C1QTNF7: variants seen among roughly 807,000 people sequenced by gnomAD.
C1QTNF7 encodes the protein C1q and TNF related 7, also known as complement C1q tumor necrosis factor-related protein 7.
Under a neutral mutation model 19.6 loss-of-function variants are expected in C1QTNF7, and 15 were observed. That is an observed-to-expected ratio of 0.76 (90% CI 0.51 to 1.18). The LOEUF (loss-of-function observed/expected upper bound fraction) is 1.18, where lower values mean the gene tolerates loss of function less well. C1QTNF7 is among the 50% of genes most tolerant of loss of function. The probability of loss-of-function intolerance (pLI) is 0.00; values close to 1 mark genes in which losing one functional copy is unlikely to be tolerated. For missense variants in C1QTNF7, 324 were observed against 359.7 expected (o/e 0.90, Z 0.80); for synonymous variants, 142 against 137.5 (o/e 1.03, Z -0.23).
chr4:15,375,740 T>G (rs539590863), intron 1 of C1QTNF7, among the ~76,000 whole-genome samples: 19 of 152,290 alleles, frequency 1.2e-4, no homozygotes, highest in Non-Finnish European at 1.9e-4. Context: ...TTGTTCTGAT[T>G]CATGATTTCA....
chr4:15,403,937 ATAC>A (rs1181068081), intron 1 of C1QTNF7, among the ~76,000 whole-genome samples: 3 of 152,216 alleles, frequency 2.0e-5, no homozygotes, highest in Non-Finnish European at 4.4e-5. Context: ...ATTCATAAAA[ATAC>A]TACTATCGAT....
intron 1 of C1QTNF7, among the ~76,000 whole-genome samples, chr4:15,391,968 G>A (rs1718576987): frequency 6.6e-6 from 1 of 152,162 alleles, no homozygotes; most frequent in Admixed American, 6.5e-5. Flanking sequence ...GAGAGAGAGA[G>A]GAAGGGAGTG....
At chr4:15,399,283 G>C (rs1718900916) in intron 1 of C1QTNF7, among the ~76,000 whole-genome samples, 1 of 152,084 alleles carries the variant, frequency 6.6e-6, no homozygotes, top group Admixed American at 6.5e-5. Context: ...ATCAGCTGAT[G>C]GTCACCTGAC....
At chr4:15,416,679 A>G (rs1186881417) in intron 1 of C1QTNF7, among the ~76,000 whole-genome samples, 1 of 152,256 alleles carries the variant, frequency 6.6e-6, no homozygotes. Context: ...CTGATGTCTC[A>G]GACAACCCCT....
chr4:15,407,282 T>C (rs910729954), intron 1 of C1QTNF7, among the ~76,000 whole-genome samples: 3 of 152,202 alleles, frequency 2.0e-5, no homozygotes, highest in Non-Finnish European at 4.4e-5. Flanking sequence ...AAATGCCATT[T>C]AAAGTTGTAT....
intron 1 of C1QTNF7, among the ~76,000 whole-genome samples, chr4:15,413,756 T>C (rs1719487631): frequency 6.6e-6 from 1 of 152,214 alleles, no homozygotes; most frequent in Non-Finnish European, 1.5e-5. Flanking sequence ...TTACAGCCTC[T>C]GTGGATGGAG....
At chr4:15,374,506 G>C (rs976956903) in intron 1 of C1QTNF7, 4 of 941,538 alleles carry the variant, frequency 4.2e-6, no homozygotes, top group South Asian at 4.9e-5. Context: ...GTCTTCTTTC[G>C]GGCTCGATCA....
At chr4:15,428,026 G>T (rs898322460), upstream of C1QTNF7, 23 of 985,374 alleles carry the variant, frequency 2.3e-5, no homozygotes, top group Non-Finnish European at 2.7e-5. Context: ...ACCAAAGCAA[G>T]TTTTTCACTG....
In C1QTNF7 at chr4:15,389,933, T is replaced by C. The variant is rs138356230; in HGVS notation, c.14-45803T>C. 2.0e-5 allele frequency among the ~76,000 whole-genome samples: 3 copies of C among 152,290 alleles called. No individual in the cohort carries two copies. The East Asian group carries it at 5.8e-4, about 29-fold the overall frequency. ...ATCGTGTTAAAGACTTCTTCATTAA[T>C]CCCACAAATCAGGGTTATTAGTCTG... On this transcript the variant is annotated intron_variant, in intron 1 of 2. Coordinates refer to the C1QTNF7 transcript ENST00000295297.
At chr4:15,374,592 G>A (rs1201396099) in intron 1 of C1QTNF7, 2 of 985,358 alleles carry the variant, frequency 2.0e-6, no homozygotes, top group Non-Finnish European at 1.2e-6. Context: ...CTCTGCCACC[G>A]CTCAAAGCCT....
upstream of C1QTNF7, chr4:15,427,968 C>A: frequency 1.1e-6 from 1 of 941,328 alleles, no homozygotes; most frequent in Non-Finnish European, 1.3e-6. Context: ...ATTTTTAGCA[C>A]AACTATTTGG....
chr4:15,423,819 G>T (rs574633832), upstream of C1QTNF7, among the ~76,000 whole-genome samples: 2 of 151,948 alleles, frequency 1.3e-5, no homozygotes, highest in Non-Finnish European at 2.9e-5. Flanking sequence ...CATGCCTACC[G>T]TTTCCCCCCC....
At chr4:15,359,943 G>A (rs960883375) in intron 1 of C1QTNF7, among the ~76,000 whole-genome samples, 8 of 152,188 alleles carry the variant, frequency 5.3e-5, no homozygotes, top group African/African-American at 1.7e-4. Context: ...AGGAAAAGAG[G>A]AGACTTTCTA....
chr4:15,374,511 C>T (rs930253314), intron 1 of C1QTNF7: 9 of 956,192 alleles, frequency 9.4e-6, no homozygotes, highest in Non-Finnish European at 1.1e-5. Context: ...CTTTCGGGCT[C>T]GATCAAACAA....
In C1QTNF7 at chr4:15,400,935, G is replaced by A. The variant is rs186438435; in HGVS notation, c.14-34801G>A. 2.9e-3 allele frequency among the ~76,000 whole-genome samples: 435 copies of A among 152,236 alleles called. 1 individual carries two copies. The highest frequency in any genetic ancestry group is 4.6e-3 in the Non-Finnish European group (314 of 68,006). On this transcript the variant is annotated intron_variant, in intron 1 of 2. Transcript: ENST00000295297. ...AAGGCTTCAGATTTCACCATGGAGG[G>A]GAAAGGGGACATGTAGGTAATTCAT...
Position 15,442,958 on chromosome 4 carries a change from G to A in C1QTNF7, c.*159G>A. The A allele has an allele frequency of 1.5e-6, 1 of 672,058 alleles. No individual in the cohort carries two copies. Among genetic ancestry groups the A allele is most frequent in the Non-Finnish European group, 2.3e-6 (1 of 436,966 alleles). 41.6% of individuals were successfully genotyped at this position (672,058 alleles called of 1,614,324 possible). A position where few individuals can be genotyped will look rare whatever the true frequency, so the allele number is the denominator to read the frequency against. Reference sequence around the variant, plus strand: ...TCAAAACAAGATGAAACACAGAAAAGTTGAAACCACAACAAAATGAATTCT... The same window carrying A: ...TCAAAACAAGATGAAACACAGAAAAATTGAAACCACAACAAAATGAATTCT... On this transcript the variant is annotated 3_prime_UTR_variant, in exon 3 of 3. Coordinates refer to ENST00000444304, the MANE Select transcript of C1QTNF7 (RefSeq NM_031911.5).
chr4:15,403,584 T>C (rs1298957460), intron 1 of C1QTNF7, among the ~76,000 whole-genome samples: 1 of 152,146 alleles, frequency 6.6e-6, no homozygotes, highest in East Asian at 1.9e-4. Flanking sequence ...TCCCCTTCTT[T>C]TCTCAGGATA....
chr4:15,392,864 G>A (rs1718624081), intron 1 of C1QTNF7, among the ~76,000 whole-genome samples: 1 of 152,160 alleles, frequency 6.6e-6, no homozygotes, highest in Admixed American at 6.5e-5. Flanking sequence ...ATGCCACCTG[G>A]GAGTTTGCTA....
chr4:15,340,109 G>A, exon 1 of C1QTNF7: 3 of 1,438,986 alleles, frequency 2.1e-6, no homozygotes, highest in Non-Finnish European at 2.9e-6. Context: ...ACATATTTCT[G>A]CTTTAAATTT....
Sources: gnomAD v4.1 joint callset for allele counts (sites outside exome capture counted in the v4.1 genomes callset) on GRCh38, gnomAD v4.1.1 for gene constraint, MANE v1.5 for transcripts, NCBI Gene and HGNC (gene_info 2026-07-23, HGNC 2026-07-21) for gene names.